Variants in TENM3 observed in about 807,000 individuals in gnomAD.
TENM3 encodes the protein teneurin-3.
Under a neutral mutation model 255.1 loss-of-function variants are expected in TENM3, and 63 were observed. The ratio of observed to expected loss-of-function variants is 0.25; its 90% CI spans 0.20 to 0.30. TENM3 has a LOEUF of 0.30. Among genes scored for constraint, TENM3 ranks in the 10% least tolerant of loss-of-function variants. The pLI is 1.00. For synonymous variants in TENM3, 1,306 were observed against 1,322.3 expected, an observed-to-expected ratio of 0.99 and a Z score of 0.27; for missense variants, 2,929 against 3,461.1, an observed-to-expected ratio of 0.85 and a Z score of 3.86.
intron 5 of TENM3, among the ~76,000 whole-genome samples, chr4:182,638,822 T>C (rs1469108192): frequency 6.6e-6 from 1 of 152,184 alleles, no homozygotes; most frequent in Non-Finnish European, 1.5e-5. Context: ...GGGAACCCAT[T>C]CTCTTTATGA....
At chr4:182,408,481 A>G (rs769969635) in intron 3 of TENM3, among the ~76,000 whole-genome samples, 2 of 152,196 alleles carry the variant, frequency 1.3e-5, no homozygotes, top group Non-Finnish European at 2.9e-5. Flanking sequence ...GCAAACATTT[A>G]TCTTCTGGGA....
chr4:182,802,660 A>C lies in TENM3; in HGVS notation c.*2309A>C, dbSNP rs1470079453. The C allele has an allele frequency of 6.6e-6, 1 of 152,606 alleles. No homozygotes were observed. Among genetic ancestry groups the C allele is most frequent in the East Asian group, 1.9e-4 (1 of 5,196 alleles). 9.5% of individuals were successfully genotyped at this position (152,606 alleles called of 1,614,324 possible). A position where few individuals can be genotyped will look rare whatever the true frequency, so the allele number is the denominator to read the frequency against. On this transcript the variant is annotated 3_prime_UTR_variant, in exon 28 of 28. Transcript: ENST00000511685. ...TTAGATGATGAAGTCAAATCAACCC[A>C]ATTAGTGTCCTGTTAGTAGGTATAA...
intron 3 of TENM3, among the ~76,000 whole-genome samples, chr4:182,497,612 A>T (rs1210727573): frequency 6.6e-6 from 1 of 152,140 alleles, no homozygotes; most frequent in Non-Finnish European, 1.5e-5. Context: ...GCTTTGGATG[A>T]AACTACATTT....
intron 22 of TENM3, among the ~76,000 whole-genome samples, chr4:182,771,949 G>A (rs556972472): frequency 9.4e-4 from 143 of 152,228 alleles, no homozygotes; most frequent in African/African-American, 3.2e-3. Context: ...GCCGCTGGCT[G>A]AGCAGCGTGG....
chr4:182,622,298 G>C (rs900685996), intron 4 of TENM3, among the ~76,000 whole-genome samples: 1 of 150,480 alleles, frequency 6.6e-6, no homozygotes, highest in African/African-American at 2.4e-5. Context: ...AGTGAGCCGA[G>C]ATCACACCAC....
chr4:182,162,310 A>G (rs757724368), intron 1 of TENM3, among the ~76,000 whole-genome samples: 1 of 152,236 alleles, frequency 6.6e-6, no homozygotes, highest in East Asian at 1.9e-4. Context: ...TTAAACACCT[A>G]TTTTGAGCCC....
At chr4:182,282,272 T>C (rs1760435284) in intron 1 of TENM3, among the ~76,000 whole-genome samples, 1 of 152,206 alleles carries the variant, frequency 6.6e-6, no homozygotes, top group East Asian at 1.9e-4. Context: ...GGGATGGGCA[T>C]CTTCAAGGTA....
chr4:182,218,228 T>G (rs888909925), intron 1 of TENM3, among the ~76,000 whole-genome samples: 5 of 152,160 alleles, frequency 3.3e-5, no homozygotes, highest in African/African-American at 1.2e-4. Flanking sequence ...CATGCAGCAG[T>G]GTAGAAAGAC....
the TENM3 span, among the ~76,000 whole-genome samples, chr4:181,845,832 T>A: frequency 6.6e-6 from 1 of 152,234 alleles, no homozygotes; most frequent in South Asian, 2.1e-4. Context: ...CAGCGGGTGT[T>A]CCTGAATCCT....
the TENM3 span, among the ~76,000 whole-genome samples, chr4:181,557,274 G>A: frequency 2.6e-5 from 4 of 152,156 alleles, no homozygotes; most frequent in African/African-American, 9.7e-5. Flanking sequence ...GGGTCACAAT[G>A]TCAGTATTTA....
At chr4:182,625,321 C>T (rs1401522400) in intron 4 of TENM3, among the ~76,000 whole-genome samples, 2 of 152,094 alleles carry the variant, frequency 1.3e-5, no homozygotes, top group Admixed American at 6.5e-5. Context: ...GGGGAGGGAG[C>T]GTTACTGCCT....
chr4:182,064,283 A>C, the TENM3 span, among the ~76,000 whole-genome samples: 1 of 152,066 alleles, frequency 6.6e-6, no homozygotes, highest in South Asian at 2.1e-4. Flanking sequence ...CTGAAAGCTA[A>C]ACTAAGAAAT....
chr4:182,315,299 A>AT (rs1159565813), intron 1 of TENM3, among the ~76,000 whole-genome samples: 1 of 151,798 alleles, frequency 6.6e-6, no homozygotes, highest in East Asian at 1.9e-4. Flanking sequence ...CTTCCTTTAC[A>AT]TTTTTTTGTA....
At chr4:181,767,470 C>T in the TENM3 span, among the ~76,000 whole-genome samples, 7 of 151,740 alleles carry the variant, frequency 4.6e-5, no homozygotes, top group Non-Finnish European at 5.9e-5. Context: ...CAAACGAGGT[C>T]CTGCAAGGAA....
At chr4:181,537,916 T>A in the TENM3 span, among the ~76,000 whole-genome samples, 34 of 152,228 alleles carry the variant, frequency 2.2e-4, no homozygotes, top group African/African-American at 7.0e-4. Flanking sequence ...AATGTAAAAC[T>A]GCTTGAAATA....
the TENM3 span, among the ~76,000 whole-genome samples, chr4:181,463,817 C>T: frequency 1.3e-5 from 2 of 152,222 alleles, no homozygotes; most frequent in South Asian, 4.2e-4. Context: ...TCATTTTCCC[C>T]TCCCCCAGTC....
the TENM3 span, among the ~76,000 whole-genome samples, chr4:181,698,216 A>T: frequency 6.8e-6 from 1 of 147,246 alleles, no homozygotes; most frequent in South Asian, 2.1e-4. Context: ...TCTGTCTCAA[A>T]AAAAAAAAAA....
chr4:181,670,751 A>G, the TENM3 span, among the ~76,000 whole-genome samples: 2 of 152,196 alleles, frequency 1.3e-5, no homozygotes, highest in Non-Finnish European at 2.9e-5. Context: ...CTGTCGCAGG[A>G]GGAACCCAGA....
At chr4:181,458,506 G>C in the TENM3 span, among the ~76,000 whole-genome samples, 1 of 151,834 alleles carries the variant, frequency 6.6e-6, no homozygotes, top group Non-Finnish European at 1.5e-5. Context: ...AACAAGAGAT[G>C]CGTGCGTAGT....
Sources: allele counts gnomAD v4.1 joint callset (sites outside exome capture counted in the v4.1 genomes callset), GRCh38; gene constraint gnomAD v4.1.1; transcripts MANE v1.5; gene names NCBI Gene and HGNC (gene_info 2026-07-23, HGNC 2026-07-21).